The following ATP1B3 variants were observed in gnomAD, a reference collection of about 807,000 sequenced individuals.
ATP1B3 encodes sodium/potassium-transporting ATPase subunit beta-3.
In ATP1B3, 10 loss-of-function variants were observed where a neutral mutation model predicts 30.2. The ratio of observed to expected loss-of-function variants is 0.33; its 90% confidence interval spans 0.20 to 0.56. ATP1B3 has a LOEUF of 0.56. Ranked by LOEUF, ATP1B3 falls within the 20% of genes least tolerant of loss-of-function variation. ATP1B3 has a pLI of 0.90. For missense variants in ATP1B3, 238 were observed against 336.7 expected, an observed-to-expected ratio of 0.71 and a Z score of 2.29; for synonymous variants, 113 against 117.0, an observed-to-expected ratio of 0.97 and a Z score of 0.22.
chr3:141,892,550 C>G (rs1343576664), intron 1 of ATP1B3, among the ~76,000 whole-genome samples: 2 of 148,060 alleles, frequency 1.4e-5, no homozygotes, highest in Admixed American at 1.4e-4. Flanking sequence ...CCCAGCTACT[C>G]AGGAGACTGA....
At position 141,921,930 on chromosome 3, in the gene ATP1B3, A is replaced by G. The variant is rs1304649626; in HGVS notation, c.583-47A>G. On this transcript the variant is annotated intron_variant, in intron 5 of 6. Transcript: ENST00000286371. ...TTTAATTATAAACATAGTTTTTACA[A>G]ATTCTTTTTGTGACCTAAAGAGGAT... The G allele has an allele frequency of 3.6e-6, 4 of 1,096,740 alleles. No individual in the cohort carries two copies. In the East Asian group the frequency reaches 1.1e-4, roughly 30 times the overall value. The allele number at this position is 1,096,740 out of a possible 1,614,324, so 67.9% of individuals were successfully genotyped here. A position where few individuals can be genotyped will look rare whatever the true frequency, so the allele number is the denominator to read the frequency against.
intron 1 of ATP1B3, among the ~76,000 whole-genome samples, chr3:141,885,556 C>T (rs1933812946): frequency 1.3e-5 from 2 of 152,124 alleles, no homozygotes; most frequent in South Asian, 4.1e-4. Flanking sequence ...TTAAGTGATT[C>T]TCCTGTCTTA....
chr3:141,876,673 G>A lies in ATP1B3; in HGVS notation c.-129G>A. The A allele has an allele frequency of 3.3e-6, 2 of 598,118 alleles. No homozygotes were observed. The highest frequency in any genetic ancestry group is 7.3e-5 in the Admixed American group (2 of 27,576). The allele number at this position is 598,118 out of a possible 1,614,324, so 37.1% of individuals were successfully genotyped here. A position where few individuals can be genotyped will look rare whatever the true frequency, so the allele number is the denominator to read the frequency against. On this transcript the variant is annotated 5_prime_UTR_variant, in exon 1 of 7. Coordinates refer to ENST00000286371, the MANE Select transcript of ATP1B3 (RefSeq NM_001679.4). ...GCTCGAGTACTCCCCGTAACGAGGA[G>A]GTGTTCTCGGCCGTCCCACCCTTCA...
intron 5 of ATP1B3, among the ~76,000 whole-genome samples, chr3:141,916,888 C>T (rs1475642929): frequency 5.3e-5 from 8 of 151,850 alleles, no homozygotes; most frequent in East Asian, 3.9e-4. Flanking sequence ...TTCTTTTAGA[C>T]GGAGTCTCAC....
At chr3:141,879,448 AT>A (rs1933677654) in intron 1 of ATP1B3, among the ~76,000 whole-genome samples, 1 of 151,946 alleles carries the variant, frequency 6.6e-6, no homozygotes, top group South Asian at 2.1e-4. Flanking sequence ...CACTGAGGCT[AT>A]TTTTACCTGT....
chr3:141,889,305 A>C (rs928132069), intron 1 of ATP1B3, among the ~76,000 whole-genome samples: 1 of 152,136 alleles, frequency 6.6e-6, no homozygotes, highest in African/African-American at 2.4e-5. Flanking sequence ...TATAGAATAT[A>C]TATATTTCTT....
At chr3:141,915,076 C>T (rs776932216) in intron 4 of ATP1B3, among the ~76,000 whole-genome samples, 9 of 152,202 alleles carry the variant, frequency 5.9e-5, no homozygotes, top group Non-Finnish European at 1.0e-4. Context: ...AGTATCCTCA[C>T]GACATCTAGA....
chr3:141,895,193 T>C (rs1452890438), intron 1 of ATP1B3, among the ~76,000 whole-genome samples: 13 of 150,546 alleles, frequency 8.6e-5, no homozygotes, highest in South Asian at 2.1e-4. Context: ...CTTTTCTTTT[T>C]TTTTTTTTTT....
intron 1 of ATP1B3, among the ~76,000 whole-genome samples, chr3:141,879,959 G>A (rs1933692062): frequency 6.6e-6 from 1 of 150,840 alleles, no homozygotes; most frequent in African/African-American, 2.4e-5. Context: ...GGGGTGGAAG[G>A]AAAAAAAATC....
chr3:141,881,655 A>T (rs1049851544), intron 1 of ATP1B3, among the ~76,000 whole-genome samples: 3 of 152,200 alleles, frequency 2.0e-5, no homozygotes, highest in African/African-American at 4.8e-5. Context: ...TGCAATTTTT[A>T]AAATTTTTGC....
chr3:141,897,342 C>A (rs966554367), intron 1 of ATP1B3, among the ~76,000 whole-genome samples: 3 of 152,146 alleles, frequency 2.0e-5, no homozygotes, highest in Non-Finnish European at 2.9e-5. Context: ...ATCTATAATT[C>A]ATTGTTTACA....
At chr3:141,906,333 C>T (rs2107773880) in intron 2 of ATP1B3, among the ~76,000 whole-genome samples, 1 of 152,300 alleles carries the variant, frequency 6.6e-6, no homozygotes, top group South Asian at 2.1e-4. Context: ...GCATGCACCA[C>T]CACACCCACC....
In ATP1B3 at chr3:141,903,899, C is replaced by T. The variant is rs992327268; in HGVS notation, c.238+151C>T. The stretch of plus-strand genomic sequence containing the variant: ...CAGGTTCAAGCGATTCTCCTGCCTC[C>T]TCAGCCTGCTAAGTAGCTGGGATTA... On this transcript the variant is annotated intron_variant, in intron 2 of 6. Coordinates refer to ENST00000286371, the MANE Select transcript of ATP1B3 (RefSeq NM_001679.4). 82 of 874,302 alleles carry T rather than the reference C, an allele frequency of 9.4e-5. No individual in the cohort carries two copies. The Middle Eastern group carries it at 1.4e-3, about 15-fold the overall frequency. The allele number at this position is 874,302 out of a possible 1,614,324, so 54.2% of individuals were successfully genotyped here. A position where few individuals can be genotyped will look rare whatever the true frequency, so the allele number is the denominator to read the frequency against.
At chr3:141,898,565 TC>T (rs1934110225) in intron 1 of ATP1B3, among the ~76,000 whole-genome samples, 1 of 152,202 alleles carries the variant, frequency 6.6e-6, no homozygotes, top group Non-Finnish European at 1.5e-5. Context: ...CTACATTGTA[TC>T]CACTAGGATA....
intron 1 of ATP1B3, among the ~76,000 whole-genome samples, chr3:141,901,691 ATATT>A (rs141615990): frequency 0.11 from 16,344 of 152,222 alleles, 1,062 homozygotes; most frequent in Middle Eastern, 0.16. Flanking sequence ...TATCTGCTAT[ATATT>A]TATTTGCTTT....
chr3:141,892,932 AG>A, intron 1 of ATP1B3, among the ~76,000 whole-genome samples: 1 of 152,176 alleles, frequency 6.6e-6, no homozygotes, highest in Non-Finnish European at 1.5e-5. Flanking sequence ...AGAATTGATA[AG>A]GAAAAGCAAT....
chr3:141,924,332 A>G (rs1934615917), intron 6 of ATP1B3, among the ~76,000 whole-genome samples: 1 of 95,282 alleles, frequency 1.0e-5, no homozygotes, highest in African/African-American at 4.4e-5. Flanking sequence ...AACAGAATGC[A>G]ATGTCTCAAA....
intron 2 of ATP1B3, among the ~76,000 whole-genome samples, chr3:141,904,296 T>C (rs1934221699): frequency 6.7e-6 from 1 of 149,756 alleles, no homozygotes; most frequent in Non-Finnish European, 1.5e-5. Context: ...GTTTTGTTTG[T>C]TTCGGTTTCT....
chr3:141,881,197 C>T (rs1933718369), intron 1 of ATP1B3, among the ~76,000 whole-genome samples: 1 of 139,138 alleles, frequency 7.2e-6, no homozygotes, highest in South Asian at 2.2e-4. Context: ...GCTCAGGACT[C>T]CACCTCCAAA....
Sources: gnomAD v4.1 joint callset for allele counts (sites outside exome capture counted in the v4.1 genomes callset) on GRCh38, gnomAD v4.1.1 for gene constraint, MANE v1.5 for transcripts, NCBI Gene and HGNC (gene_info 2026-07-23, HGNC 2026-07-21) for gene names.